FANCD2: variants seen among roughly 807,000 people sequenced by gnomAD.
FANCD2 encodes the protein Fanconi anemia group D2 protein.
A neutral mutation model predicts 192.3 loss-of-function variants in FANCD2; 131 were observed. That is an observed-to-expected ratio of 0.68 (90% CI 0.59 to 0.79). The LOEUF (loss-of-function observed/expected upper bound fraction) is 0.79, where lower values mean the gene tolerates loss of function less well. Ranked by LOEUF, FANCD2 falls within the 30% of genes least tolerant of loss-of-function variation. The pLI is 0.00. For missense variants in FANCD2, 1,508 were observed against 1,701.6 expected (o/e 0.89, Z 2.00); for synonymous variants, 524 against 612.5 (o/e 0.86, Z 2.13).
At chr3:10,076,383 A>T (rs1487056008) in intron 29 of FANCD2, among the ~76,000 whole-genome samples, 1 of 152,072 alleles carries the variant, frequency 6.6e-6, no homozygotes, top group Admixed American at 6.6e-5. Flanking sequence ...CTAGAAAGGT[A>T]TACAGAGGAA....
chr3:10,076,106 G>A (rs1307063270), intron 29 of FANCD2, among the ~76,000 whole-genome samples: 1 of 151,240 alleles, frequency 6.6e-6, no homozygotes, highest in Non-Finnish European at 1.5e-5. Context: ...TGTATTGAGT[G>A]AGCAGTTTGC....
chr3:10,090,651 G>C (rs974315136), intron 37 of FANCD2, among the ~76,000 whole-genome samples: 4 of 151,808 alleles, frequency 2.6e-5, no homozygotes, highest in Non-Finnish European at 5.9e-5. Flanking sequence ...GTAGAGACAG[G>C]GTTTCACCAT....
chr3:10,036,249 T>G, intron 6 of FANCD2, 38 bp from the exon 7 acceptor site: 46 of 1,538,832 alleles, frequency 3.0e-5, no homozygotes, highest in Non-Finnish European at 3.5e-5. Flanking sequence ...TTGTGTATTT[T>G]GAGATCATCT....
At chr3:10,094,445 T>C (rs1694833629) in intron 40 of FANCD2, 82 bp downstream of exon 40, 12 of 1,205,664 alleles carry the variant, frequency 1.0e-5, no homozygotes, top group Non-Finnish European at 1.5e-5. Context: ...TGGGTGGGGC[T>C]GGGAGTGTTC....
In FANCD2 at chr3:10,043,515, A is replaced by G; in HGVS notation, c.1021A>G (p.Ser341Gly). ...AGGAAATCAAGAAAGCAGCGGTCAG[A>G]GCTGTATTATTCTCCTCTTTGATGT... is the stretch of plus-strand genomic sequence containing the variant. ...SSGNQESSGQ[S>G]CIILLFDVIK... is the part of the protein sequence containing the mutation. Residue 341 changes from serine (S) to glycine (G), a missense_variant, in exon 13 of 44, where the codon AGC becomes GGC. Coordinates refer to ENST00000675286, the MANE Select transcript of FANCD2 (RefSeq NM_001018115.3). 10 of 1,613,874 alleles carry G rather than the reference A, an allele frequency of 6.2e-6. No homozygotes were observed. The highest frequency in any genetic ancestry group is 8.5e-6 in the Non-Finnish European group (10 of 1,179,790).
intron 7 of FANCD2, among the ~76,000 whole-genome samples, chr3:10,036,660 C>T (rs2124979177): frequency 6.6e-6 from 1 of 151,850 alleles, no homozygotes; most frequent in Non-Finnish European, 1.5e-5. Flanking sequence ...TGTAGTGAGA[C>T]CTTGTCTGTA....
At chr3:10,092,329 T>G in intron 38 of FANCD2, 77 bp downstream of exon 38, 2 of 1,080,594 alleles carry the variant, frequency 1.9e-6, no homozygotes, top group South Asian at 1.2e-5. Flanking sequence ...AAATGGACTT[T>G]CCTTGCTCCT....
chr3:10,071,761 G>A (rs1380522254), intron 26 of FANCD2, among the ~76,000 whole-genome samples: 3 of 152,126 alleles, frequency 2.0e-5, no homozygotes, highest in East Asian at 1.9e-4. Context: ...ATAAGATCTA[G>A]TTGTTTTTGT....
intron 5 of FANCD2, 56 bp from the exon 6 acceptor site, chr3:10,035,116 TA>T: frequency 7.1e-7 from 1 of 1,403,590 alleles, no homozygotes; most frequent in East Asian, 2.3e-5. Flanking sequence ...GAAAAGATGA[TA>T]AAAGCATTAA....
At chr3:10,091,453 C>A (rs1376889964) in intron 37 of FANCD2, among the ~76,000 whole-genome samples, 1 of 150,026 alleles carries the variant, frequency 6.7e-6, no homozygotes, top group East Asian at 2.0e-4. Flanking sequence ...ACCTGGATGT[C>A]AGACTCAGAC....
intron 14 of FANCD2, among the ~76,000 whole-genome samples, chr3:10,045,967 A>G (rs2086994022): frequency 6.6e-6 from 1 of 151,976 alleles, no homozygotes; most frequent in African/African-American, 2.4e-5. Context: ...TGGAGTTGGC[A>G]AGTGATTGAA....
chr3:10,099,440 TAAC>T, intron 43 of FANCD2: 1 of 578,420 alleles, frequency 1.7e-6, no homozygotes, highest in Non-Finnish European at 2.3e-6. Flanking sequence ...CTGCACAACA[TAAC>T]AAGACCCTAT....
Position 10,066,779 on chromosome 3 carries a change from C to T in FANCD2, c.2386-430C>T, listed in dbSNP as rs533330408. On this transcript the variant is annotated intron_variant, in intron 25 of 43. Coordinates refer to ENST00000675286, the MANE Select transcript of FANCD2 (RefSeq NM_001018115.3). ...TTGCTCTGTCACCCAGGCTGGAGTG[C>T]GGTGGCTCAATCTCGGCTCACTGCA... Among the ~76,000 whole-genome samples the T allele has an allele frequency of 9.2e-5, 14 of 152,220 alleles. No homozygotes were observed. The South Asian group carries it at 1.9e-3, about 20-fold the overall frequency.
intron 18 of FANCD2, among the ~76,000 whole-genome samples, chr3:10,059,585 G>A (rs1228678588): frequency 1.3e-5 from 2 of 151,962 alleles, no homozygotes; most frequent in East Asian, 1.9e-4. Context: ...GGCGGATCAC[G>A]AGGTCAGGAG....
chr3:10,039,119 C>T (rs1272514642), intron 7 of FANCD2, among the ~76,000 whole-genome samples, 160 bp from the exon 8 acceptor site: 1 of 152,192 alleles, frequency 6.6e-6, no homozygotes, highest in Non-Finnish European at 1.5e-5. Context: ...GTATCTCCTG[C>T]ATCTTGGGTA....
intron 9 of FANCD2, chr3:10,040,763 C>T: frequency 3.0e-6 from 1 of 338,252 alleles, no homozygotes; most frequent in Non-Finnish European, 5.8e-6. Flanking sequence ...TGCAAAGCTA[C>T]CTCCAAAACA....
Position 10,081,401 on chromosome 3 carries a change from A to G in FANCD2, c.3161A>G (p.Glu1054Gly). 6.2e-7 allele frequency: 1 copy of G among 1,614,192 alleles called. No homozygotes were observed. Among genetic ancestry groups the G allele is most frequent in the South Asian group, 1.1e-5 (1 of 91,088 alleles). Reference sequence around the variant, plus strand: ...GATGGACCAGGAGTGAAAGTTCAGGAGTACCACATAATGTCTTCCTGCTAT... The same window carrying G: ...GATGGACCAGGAGTGAAAGTTCAGGGGTACCACATAATGTCTTCCTGCTAT... Reference protein sequence around the residue: ...VVDGPGVKVQEYHIMSSCYQR... With the variant: ...VVDGPGVKVQGYHIMSSCYQR... Residue 1054 changes from glutamate to glycine, a missense_variant, in exon 32 of 44, where the codon GAG becomes GGG. By Grantham distance (98) the Glu-to-Gly change is moderately conservative. This residue lies in a region of FANCD2 where 796 missense variants were observed against 879.4 expected (regional missense o/e 0.91). Transcript: ENST00000675286.
chr3:10,060,280 T>C lies in FANCD2; in HGVS notation c.1657-14T>C. 1 of 1,577,948 alleles carries C rather than the reference T, an allele frequency of 6.3e-7. No individual in the cohort carries two copies. Among genetic ancestry groups the C allele is most frequent in the Non-Finnish European group, 8.7e-7 (1 of 1,148,984 alleles). ...ATTCCAGCATTTTCATCTTTCTTCA[T>C]CATCTCATTGCAGGATGACATGCAC... On this transcript the variant is annotated splice_polypyrimidine_tract_variant and intron_variant, in intron 18 of 43. Transcript: ENST00000675286.
intron 14 of FANCD2, among the ~76,000 whole-genome samples, chr3:10,044,544 GC>G (rs2086948941): frequency 6.6e-6 from 1 of 151,986 alleles, no homozygotes; most frequent in Non-Finnish European, 1.5e-5. Context: ...GGTGGCACAC[GC>G]CACTGCACTC....
Sources: gnomAD v4.1 joint callset for allele counts (sites outside exome capture counted in the v4.1 genomes callset) on GRCh38, gnomAD v4.1.1 for gene constraint, gnomAD v4.1.1 regional missense constraint, MANE v1.5 for transcripts, NCBI Gene and HGNC (gene_info 2026-07-23, HGNC 2026-07-21) for gene names.